The following NKAIN3 variants were observed in gnomAD, a reference collection of about 807,000 sequenced individuals.
NKAIN3 encodes sodium/potassium-transporting ATPase subunit beta-1-interacting protein 3.
In NKAIN3, 25 loss-of-function variants were observed where a neutral mutation model predicts 30.2. The observed-to-expected ratio is 0.83, with a 90% confidence interval of 0.60 to 1.16. The LOEUF (loss-of-function observed/expected upper bound fraction) is 1.16, where lower values mean the gene tolerates loss of function less well. NKAIN3 is among the 50% of genes most tolerant of loss of function. NKAIN3 has a pLI of 0.00. For synonymous variants in NKAIN3, 91 were observed against 89.6 expected (o/e 1.02, Z -0.09); for missense variants, 225 against 254.1 (o/e 0.89, Z 0.78).
intron 4 of NKAIN3, among the ~76,000 whole-genome samples, chr8:62,889,601 A>G (rs1821243299): frequency 6.6e-6 from 1 of 152,214 alleles, no homozygotes; most frequent in Non-Finnish European, 1.5e-5. Context: ...GTTTTTAGTG[A>G]TTAAAAAGTA....
At chr8:62,818,260 C>T (rs923276099) in intron 4 of NKAIN3, among the ~76,000 whole-genome samples, 1 of 151,988 alleles carries the variant, frequency 6.6e-6, no homozygotes, top group African/African-American at 2.4e-5. Context: ...TGAAGTGTTC[C>T]CAGGATTCAA....
intron 6 of NKAIN3, among the ~76,000 whole-genome samples, chr8:62,960,950 A>G (rs1318453626): frequency 6.6e-6 from 1 of 152,170 alleles, no homozygotes; most frequent in Non-Finnish European, 1.5e-5. Context: ...GAAGTATTCT[A>G]TGCAGACCCA....
At chr8:62,566,024 A>G (rs1001533965) in intron 1 of NKAIN3, among the ~76,000 whole-genome samples, 2 of 152,136 alleles carry the variant, frequency 1.3e-5, no homozygotes, top group Admixed American at 6.6e-5. Flanking sequence ...AAAAAATCCC[A>G]AGTCAATCCA....
chr8:62,706,526 G>C (rs1487677908), intron 3 of NKAIN3, among the ~76,000 whole-genome samples: 6 of 151,848 alleles, frequency 4.0e-5, no homozygotes, highest in African/African-American at 1.5e-4. Flanking sequence ...TTCGTTTATA[G>C]TTTCCGAAAC....
At chr8:62,937,926 C>A (rs186160609) in intron 5 of NKAIN3, among the ~76,000 whole-genome samples, 1 of 151,976 alleles carries the variant, frequency 6.6e-6, no homozygotes, top group Non-Finnish European at 1.5e-5. Context: ...CTATCATTGC[C>A]GGCTTTCTCC....
chr8:62,328,259 C>G (rs1457301569), intron 1 of NKAIN3, among the ~76,000 whole-genome samples: 1 of 152,122 alleles, frequency 6.6e-6, no homozygotes, highest in African/African-American at 2.4e-5. Context: ...TCAGTATTAT[C>G]TTCTACCAAA....
rs778039162 is a variant in NKAIN3, at chr8:62,311,483, A to T, written c.54+62356A>T. On this transcript the variant is annotated intron_variant, in intron 1 of 6. Transcript: ENST00000623646. ...CTGAAAATTAGCAATAGATCTTAATATATCCAACTAATGCCTGTCTGACTC... is the reference window on the plus strand; with the variant it reads ...CTGAAAATTAGCAATAGATCTTAATTTATCCAACTAATGCCTGTCTGACTC... Among the ~76,000 whole-genome samples the T allele has an allele frequency of 1.7e-4, 26 of 150,576 alleles. 1 individual carries two copies. Among genetic ancestry groups the T allele is most frequent in the Non-Finnish European group, 3.2e-4 (22 of 68,016 alleles).
At chr8:62,589,498 A>G (rs956901530) in intron 2 of NKAIN3, among the ~76,000 whole-genome samples, 2 of 151,650 alleles carry the variant, frequency 1.3e-5, no homozygotes, top group Admixed American at 6.6e-5. Context: ...AAGTAAATCT[A>G]ACTTTGTTGG....
intron 4 of NKAIN3, among the ~76,000 whole-genome samples, chr8:62,910,075 A>T (rs1012183671): frequency 1.3e-5 from 2 of 152,168 alleles, no homozygotes; most frequent in African/African-American, 4.8e-5. Flanking sequence ...GAGACATAAC[A>T]TGCTTCCATG....
At chr8:62,399,945 T>C (rs1817882526) in intron 1 of NKAIN3, among the ~76,000 whole-genome samples, 1 of 152,112 alleles carries the variant, frequency 6.6e-6, no homozygotes, top group African/African-American at 2.4e-5. Flanking sequence ...GGAGACAGTG[T>C]GGATGACACA....
intron 3 of NKAIN3, among the ~76,000 whole-genome samples, chr8:62,701,517 G>A (rs1195709679): frequency 1.3e-5 from 2 of 152,176 alleles, no homozygotes. Flanking sequence ...TATCCTCGCA[G>A]GCCAGTGACT....
chr8:62,705,050 G>A (rs1005750973), intron 3 of NKAIN3, among the ~76,000 whole-genome samples: 1 of 152,118 alleles, frequency 6.6e-6, no homozygotes. Context: ...CAATGATTTG[G>A]TTAAATGGAA....
intron 1 of NKAIN3, among the ~76,000 whole-genome samples, chr8:62,363,444 T>G (rs1400246623): frequency 1.3e-5 from 2 of 152,132 alleles, no homozygotes; most frequent in Admixed American, 6.5e-5. Flanking sequence ...ACCCTGGACA[T>G]TCCGCCTTTC....
chr8:62,326,849 A>G (rs1205818993), intron 1 of NKAIN3, among the ~76,000 whole-genome samples: 3 of 151,866 alleles, frequency 2.0e-5, no homozygotes, highest in South Asian at 2.1e-4. Flanking sequence ...TGGTAATTCT[A>G]TGTTTATTTC....
chr8:62,707,489 C>A (rs1173747204), intron 3 of NKAIN3, among the ~76,000 whole-genome samples: 1 of 152,060 alleles, frequency 6.6e-6, no homozygotes, highest in Non-Finnish European at 1.5e-5. Flanking sequence ...TGATGTTGAG[C>A]ATTTTTTCAT....
At chr8:62,637,546 A>G (rs1411143369) in intron 3 of NKAIN3, among the ~76,000 whole-genome samples, 1 of 152,206 alleles carries the variant, frequency 6.6e-6, no homozygotes, top group Non-Finnish European at 1.5e-5. Context: ...TTAGTGTTCC[A>G]TCACTAGGAA....
At chr8:62,430,440 A>C (rs906987762) in intron 1 of NKAIN3, among the ~76,000 whole-genome samples, 1 of 149,336 alleles carries the variant, frequency 6.7e-6, no homozygotes, top group Non-Finnish European at 1.5e-5. Flanking sequence ...TGCTTTCAAT[A>C]TTTTGGATAT....
intron 4 of NKAIN3, among the ~76,000 whole-genome samples, chr8:62,766,433 A>G (rs1227144542): frequency 6.6e-6 from 1 of 152,122 alleles, no homozygotes; most frequent in East Asian, 1.9e-4. Context: ...CCCCCTCTGT[A>G]TTTTGATTCT....
At chr8:62,634,159 G>A (rs1225685625) in intron 3 of NKAIN3, among the ~76,000 whole-genome samples, 2 of 151,838 alleles carry the variant, frequency 1.3e-5, no homozygotes, top group African/African-American at 4.8e-5. Context: ...ACTTACAAAT[G>A]TCTTATCTGA....
Sources: allele counts gnomAD v4.1 joint callset (sites outside exome capture counted in the v4.1 genomes callset), GRCh38; gene constraint gnomAD v4.1.1; transcripts MANE v1.5; gene names NCBI Gene and HGNC (gene_info 2026-07-23, HGNC 2026-07-21).